The following DEPDC5 variants were observed in gnomAD, a reference collection of about 807,000 sequenced individuals.
The protein encoded by DEPDC5 is GATOR1 complex protein DEPDC5.
A neutral mutation model predicts 217.3 loss-of-function variants in DEPDC5; 73 were observed. The ratio of observed to expected loss-of-function variants is 0.34; its 90% CI spans 0.28 to 0.41. DEPDC5 has a LOEUF of 0.41. Ranked by LOEUF, DEPDC5 falls within the 10% of genes least tolerant of loss-of-function variation. The pLI, the probability that DEPDC5 is intolerant of heterozygous loss-of-function variation, is 1.00. For synonymous variants in DEPDC5, 733 were observed against 756.7 expected, an observed-to-expected ratio of 0.97 and a Z score of 0.51; for missense variants, 1,675 against 2,070.1, an observed-to-expected ratio of 0.81 and a Z score of 3.70.
In DEPDC5 at chr22:31,797,618, G is replaced by A; in HGVS notation, c.786G>A (p.Glu262=). 6.2e-7 allele frequency: 1 copy of A among 1,613,724 alleles called. No homozygotes were observed. The highest frequency in any genetic ancestry group is 8.5e-7 in the Non-Finnish European group (1 of 1,179,696). The stretch of plus-strand genomic sequence containing the variant: ...TTTTCAGAGTGGTGGTGCAGAATGA[G>A]AGAAGAGAAGAATGGACTTCACTTC... ...EDFYKVVVQN[E]RREEWTSLLV... Residue 262 remains glutamate (E), a synonymous_variant, in exon 13 of 43, where the codon GAG becomes GAA. Coordinates refer to ENST00000651528, the MANE Select transcript of DEPDC5 (RefSeq NM_001242896.3).
At chr22:31,905,660 G>A (rs2093744334) in intron 41 of DEPDC5, among the ~76,000 whole-genome samples, 1 of 152,042 alleles carries the variant, frequency 6.6e-6, no homozygotes, top group Admixed American at 6.6e-5. Context: ...GGGACGGGCT[G>A]TCTGAGCAGA....
chr22:31,847,646 C>G (rs1288009410), intron 31 of DEPDC5, among the ~76,000 whole-genome samples: 2 of 152,146 alleles, frequency 1.3e-5, no homozygotes, highest in African/African-American at 4.8e-5. Flanking sequence ...GTAACTGCCC[C>G]CATGATTAAT....
intron 41 of DEPDC5, among the ~76,000 whole-genome samples, chr22:31,902,238 A>G (rs1383337111): frequency 6.6e-6 from 1 of 151,962 alleles, no homozygotes; most frequent in South Asian, 2.1e-4. Flanking sequence ...AGCCTGTCCT[A>G]GACTTCACTG....
intron 33 of DEPDC5, 64 bp from the exon 34 acceptor site, chr22:31,870,526 T>C (rs1319825400): frequency 2.8e-6 from 4 of 1,444,758 alleles, no homozygotes; most frequent in African/African-American, 1.5e-5. Flanking sequence ...CAGTACAGCT[T>C]ATTTACTGTG....
chr22:31,859,052 A>G (rs893081246), intron 32 of DEPDC5: 5 of 111,160 alleles, frequency 4.5e-5, no homozygotes, highest in Non-Finnish European at 7.7e-5. Flanking sequence ...TTCCATAACT[A>G]TTTAAAGTTG....
Position 31,754,878 on chromosome 22 carries a change from C to T in DEPDC5, c.-44C>T. 1 of 1,610,696 alleles carries T rather than the reference C, an allele frequency of 6.2e-7. No homozygotes were observed. The highest frequency in any genetic ancestry group is 8.5e-7 in the Non-Finnish European group (1 of 1,177,494). Reference sequence around the variant, plus strand: ...CTGTGGCAGGGAGGCAAGATGACTTCTCTGCCCCAAGCTTGGAACAGCTAA... The same window carrying T: ...CTGTGGCAGGGAGGCAAGATGACTTTTCTGCCCCAAGCTTGGAACAGCTAA... On this transcript the variant is annotated 5_prime_UTR_variant, in exon 2 of 43. Coordinates refer to ENST00000651528, the MANE Select transcript of DEPDC5 (RefSeq NM_001242896.3).
rs543401141 is a variant in DEPDC5, at chr22:31,758,907, G to GT, written c.146+287dup. 3.6e-3 allele frequency among the ~76,000 whole-genome samples: 509 copies of GT among 143,192 alleles called. 1 individual carries two copies. The highest frequency in any genetic ancestry group is 0.011 in the Middle Eastern group (3 of 278). The allele number at this position is 143,192 out of a possible 152,430, so 93.9% of individuals were successfully genotyped here. ...TTTTTCAAAAGTGGTCCATTCCTTC[G>GT]TTTTTTTTTTTTTGAGATGGAGTCT... is the stretch of plus-strand genomic sequence containing the variant. On this transcript the variant is annotated intron_variant, in intron 3 of 42. Transcript: ENST00000651528.
At chr22:31,841,147 G>A (rs998457379) in intron 27 of DEPDC5, among the ~76,000 whole-genome samples, 1 of 152,222 alleles carries the variant, frequency 6.6e-6, no homozygotes, top group Non-Finnish European at 1.5e-5. Context: ...GTGAGATTTG[G>A]TGCCCAAGAT....
intron 24 of DEPDC5, among the ~76,000 whole-genome samples, chr22:31,825,112 A>T (rs773073156): frequency 1.3e-5 from 2 of 151,950 alleles, no homozygotes; most frequent in Non-Finnish European, 2.9e-5. Context: ...GAGGAGGGCT[A>T]CTCTGGGACT....
intron 38 of DEPDC5, among the ~76,000 whole-genome samples, chr22:31,889,862 C>A (rs2093402558): frequency 6.6e-6 from 1 of 152,076 alleles, no homozygotes; most frequent in African/African-American, 2.4e-5. Context: ...GTTATTCTGG[C>A]AGTATCAGGA....
chr22:31,850,374 T>C (rs1440971728), intron 31 of DEPDC5, among the ~76,000 whole-genome samples: 4 of 152,124 alleles, frequency 2.6e-5, no homozygotes, highest in Admixed American at 6.6e-5. Flanking sequence ...CAATAAGATA[T>C]TTTGAGAAAG....
At chr22:31,777,961 T>C in intron 7 of DEPDC5, 138 bp from the exon 8 acceptor site, 1 of 845,196 alleles carries the variant, frequency 1.2e-6, no homozygotes, top group Non-Finnish European at 1.9e-6. Context: ...TTGTCCAGGC[T>C]GGTCTCGAAG....
At chr22:31,788,424 G>A (rs1345889652) in intron 10 of DEPDC5, among the ~76,000 whole-genome samples, 2 of 150,784 alleles carry the variant, frequency 1.3e-5, no homozygotes, top group East Asian at 1.9e-4. Flanking sequence ...ACAGGCATGT[G>A]CCACTATGCC....
intron 33 of DEPDC5, among the ~76,000 whole-genome samples, chr22:31,862,232 A>C (rs1259066872): frequency 6.7e-6 from 1 of 148,432 alleles, no homozygotes. Flanking sequence ...ACAAGAGCGA[A>C]ACTCCATCTC....
chr22:31,878,896 G>C (rs1443268176), intron 37 of DEPDC5, among the ~76,000 whole-genome samples: 4 of 151,442 alleles, frequency 2.6e-5, no homozygotes, highest in Non-Finnish European at 5.9e-5. Context: ...AATTAGCCGG[G>C]CGTGGTGGCG....
intron 32 of DEPDC5, among the ~76,000 whole-genome samples, chr22:31,859,867 A>G (rs978290143): frequency 6.6e-6 from 1 of 152,320 alleles, no homozygotes; most frequent in East Asian, 1.9e-4. Flanking sequence ...ACTCCTTCAC[A>G]TGTACATAAA....
chr22:31,810,561 C>T lies in DEPDC5; in HGVS notation c.1365C>T (p.Ile455=), dbSNP rs773296785. The T allele has an allele frequency of 6.2e-7, 1 of 1,614,162 alleles. No individual in the cohort carries two copies. The highest frequency in any genetic ancestry group is 8.5e-7 in the Non-Finnish European group (1 of 1,180,042). ...SPKESENALP[I]QVDYDAYDAQ... is the part of the protein sequence containing the mutation. ...AAGAATCTGAGAACGCCCTTCCCAT[C>T]CAAGTAGATTATGACGCCTATGACG... Residue 455 remains isoleucine, a synonymous_variant, in exon 20 of 43, where the codon ATC becomes ATT. Coordinates refer to ENST00000651528, the MANE Select transcript of DEPDC5 (RefSeq NM_001242896.3).
chr22:31,879,034 A>G (rs1264557645), intron 37 of DEPDC5, among the ~76,000 whole-genome samples: 1 of 128,252 alleles, frequency 7.8e-6, no homozygotes, highest in East Asian at 2.1e-4. Flanking sequence ...CGTCTCAAAA[A>G]AAAAAAAAAA....
chr22:31,754,917 G>A lies in DEPDC5; in HGVS notation c.-5G>A. On this transcript the variant is annotated 5_prime_UTR_variant, in exon 2 of 43. Coordinates refer to ENST00000651528, the MANE Select transcript of DEPDC5 (RefSeq NM_001242896.3). ...TGGAACAGCTAAAGGGAAAAACAGT[G>A]CAAGATGAGAACAACAAAGGTCTAC... The A allele has an allele frequency of 6.2e-7, 1 of 1,614,178 alleles. No individual in the cohort carries two copies. Among genetic ancestry groups the A allele is most frequent in the Non-Finnish European group, 8.5e-7 (1 of 1,180,028 alleles).
Sources: allele counts gnomAD v4.1 joint callset (sites outside exome capture counted in the v4.1 genomes callset), GRCh38; gene constraint gnomAD v4.1.1; transcripts MANE v1.5; gene names NCBI Gene and HGNC (gene_info 2026-07-23, HGNC 2026-07-21).